Variants in HERC3 observed in about 807,000 individuals in gnomAD.
HERC3 encodes probable E3 ubiquitin-protein ligase HERC3.
A neutral mutation model predicts 129.9 loss-of-function variants in HERC3; 58 were observed. That is an observed-to-expected ratio of 0.45 (90% CI 0.36 to 0.56). HERC3 has a LOEUF of 0.56. HERC3 is among the 20% of genes least tolerant of loss of function. The probability of loss-of-function intolerance (pLI) is 0.00; values close to 1 mark genes in which losing one functional copy is unlikely to be tolerated. For missense variants in HERC3, 835 were observed against 1,244.2 expected (o/e 0.67, Z 4.95); for synonymous variants, 430 against 451.0 (o/e 0.95, Z 0.59).
At chr4:88,576,717 A>G in the HERC3 span, among the ~76,000 whole-genome samples, 1 of 152,072 alleles carries the variant, frequency 6.6e-6, no homozygotes, top group Non-Finnish European at 1.5e-5. Flanking sequence ...TCATTTCTTC[A>G]AATTTATTTT....
intron 7 of HERC3, 63 bp from the exon 8 acceptor site, chr4:88,655,111 A>G: frequency 6.5e-7 from 1 of 1,545,822 alleles, no homozygotes; most frequent in Middle Eastern, 1.7e-4. Context: ...CATTTTGTAT[A>G]CAGGGTTTAG....
the HERC3 span, among the ~76,000 whole-genome samples, chr4:88,530,116 C>G: frequency 6.6e-6 from 1 of 152,002 alleles, no homozygotes; most frequent in African/African-American, 2.4e-5. Flanking sequence ...ATGGTGAAAC[C>G]CTGTCTCTGT....
chr4:88,615,159 C>A (rs1460187571), intron 3 of HERC3, among the ~76,000 whole-genome samples: 2 of 152,012 alleles, frequency 1.3e-5, no homozygotes, highest in African/African-American at 4.8e-5. Flanking sequence ...GTAAATCCAC[C>A]CTTTAATTCT....
intron 3 of HERC3, among the ~76,000 whole-genome samples, chr4:88,612,131 G>T (rs1342635277): frequency 6.6e-6 from 1 of 152,146 alleles, no homozygotes; most frequent in African/African-American, 2.4e-5. Context: ...GTGATATAAA[G>T]CACCTCTCAG....
the HERC3 span, among the ~76,000 whole-genome samples, chr4:88,560,728 T>G: frequency 6.6e-5 from 10 of 152,254 alleles, no homozygotes; most frequent in East Asian, 1.7e-3. Context: ...AGTCTTTTAT[T>G]TAGGTTTTTA....
At chr4:88,610,242 C>G (rs962856027) in intron 3 of HERC3, among the ~76,000 whole-genome samples, 5 of 152,050 alleles carry the variant, frequency 3.3e-5, no homozygotes, top group Admixed American at 2.6e-4. Flanking sequence ...ATAACGAGGT[C>G]AGGAGTCCGA....
At chr4:88,664,635 T>A (rs1326964427) in intron 12 of HERC3, among the ~76,000 whole-genome samples, 4 of 152,208 alleles carry the variant, frequency 2.6e-5, no homozygotes, top group South Asian at 2.1e-4. Flanking sequence ...ATTGGTAGAA[T>A]CATCAGTAAG....
chr4:88,595,205 A>C (rs917930107), intron 1 of HERC3, among the ~76,000 whole-genome samples: 7 of 152,168 alleles, frequency 4.6e-5, no homozygotes, highest in Admixed American at 3.9e-4. Context: ...AAATAAAGAA[A>C]ATAGACAAAA....
At chr4:88,550,477 T>C in the HERC3 span, among the ~76,000 whole-genome samples, 21,013 of 151,248 alleles carry the variant, frequency 0.14, 1,665 homozygotes, top group Admixed American at 0.23. Context: ...ACAAGCATTC[T>C]TATACACCAG....
At chr4:88,645,836 G>C (rs1398299192) in intron 3 of HERC3, among the ~76,000 whole-genome samples, 1 of 152,144 alleles carries the variant, frequency 6.6e-6, no homozygotes, top group Non-Finnish European at 1.5e-5. Flanking sequence ...ACTCTGGAAA[G>C]CAAAACCTCA....
intron 9 of HERC3, chr4:88,657,497 G>A (rs983348679): frequency 2.0e-5 from 3 of 152,162 alleles, no homozygotes; most frequent in African/African-American, 4.8e-5. Flanking sequence ...GTACTCATAC[G>A]TGGAATACAT....
At chr4:88,655,477 G>A (rs1032514176) in intron 8 of HERC3, among the ~76,000 whole-genome samples, 173 bp downstream of exon 8, 1 of 152,302 alleles carries the variant, frequency 6.6e-6, no homozygotes, top group Non-Finnish European at 1.5e-5. Context: ...GGCAAGGAAG[G>A]GTTTTAGATA....
At chr4:88,535,736 G>A in the HERC3 span, among the ~76,000 whole-genome samples, 2 of 152,250 alleles carry the variant, frequency 1.3e-5, no homozygotes, top group East Asian at 1.9e-4. Flanking sequence ...GGTCCCACAC[G>A]AATGACCTCA....
At chr4:88,649,694 A>G in intron 3 of HERC3, 146 bp from the exon 4 acceptor site, 3 of 657,802 alleles carry the variant, frequency 4.6e-6, no homozygotes, top group Non-Finnish European at 7.7e-6. Context: ...GTTTAGAAAT[A>G]TGTGAAATTT....
At chr4:88,697,835 T>G (rs1297349146) in intron 23 of HERC3, 4 of 1,497,960 alleles carry the variant, frequency 2.7e-6, no homozygotes, top group Non-Finnish European at 3.6e-6. Flanking sequence ...ATCTTGCGGA[T>G]GCGGCAAGTG....
intron 3 of HERC3, among the ~76,000 whole-genome samples, chr4:88,617,168 C>T (rs1724989730): frequency 7.7e-6 from 1 of 129,196 alleles, no homozygotes; most frequent in Admixed American, 8.6e-5. Flanking sequence ...TAGTAAGACC[C>T]TGTCTCCAAA....
At chr4:88,623,277 T>G (rs1725743568) in intron 3 of HERC3, among the ~76,000 whole-genome samples, 1 of 152,232 alleles carries the variant, frequency 6.6e-6, no homozygotes, top group Admixed American at 6.5e-5. Context: ...TTGTTGTGAA[T>G]CACTGCTTTA....
chr4:88,578,217 C>A, the HERC3 span, among the ~76,000 whole-genome samples: 1 of 152,158 alleles, frequency 6.6e-6, no homozygotes, highest in African/African-American at 2.4e-5. Context: ...TCATAATTAT[C>A]ATCACCACAA....
rs574311562 is a variant in HERC3 at position 88,639,280 on chromosome 4, T to A, written c.227-10560T>A. ...TGGAACCAAAAGAGAGCCCACATAG[T>A]CAAGGCAATCCTAAGCAGAAAGAAC... On this transcript the variant is annotated intron_variant, in intron 3 of 25. Coordinates refer to ENST00000402738, the MANE Select transcript of HERC3 (RefSeq NM_014606.3). Among the ~76,000 whole-genome samples, 330 of 152,212 alleles carry A rather than the reference T, an allele frequency of 2.2e-3. 1 individual carries two copies. The highest frequency in any genetic ancestry group is 7.7e-3 in the African/African-American group (321 of 41,550).
Sources: gnomAD v4.1 joint callset for allele counts (sites outside exome capture counted in the v4.1 genomes callset) on GRCh38, gnomAD v4.1.1 for gene constraint, MANE v1.5 for transcripts, NCBI Gene and HGNC (gene_info 2026-07-23, HGNC 2026-07-21) for gene names.